The following CSMD1 variants were observed in gnomAD, a reference collection of about 807,000 sequenced individuals.
The protein encoded by CSMD1 is CUB and sushi domain-containing protein 1.
In CSMD1, 213 loss-of-function variants were observed where a neutral mutation model predicts 417.5. That is an observed-to-expected ratio of 0.51 (90% CI 0.46 to 0.57). CSMD1 has a LOEUF of 0.57. CSMD1 is among the 20% of genes least tolerant of loss of function. CSMD1 has a pLI of 0.00. For missense variants in CSMD1, 6,923 were observed against 4,529.7 expected (o/e 1.53, Z -15.17); for synonymous variants, 2,862 against 1,736.8 (o/e 1.65, Z -16.11).
chr8:4,796,847 G>A (rs532589125), intron 1 of CSMD1, among the ~76,000 whole-genome samples: 3 of 152,264 alleles, frequency 2.0e-5, no homozygotes, highest in African/African-American at 7.2e-5. Flanking sequence ...TTGGACAATT[G>A]CAAAGGTCTG....
chr8:3,487,902 T>C (rs914887737), intron 11 of CSMD1, among the ~76,000 whole-genome samples: 6 of 152,098 alleles, frequency 3.9e-5, no homozygotes, highest in Admixed American at 2.6e-4. Flanking sequence ...CATCAACATT[T>C]TGATATTAAT....
chr8:4,901,540 T>A (rs1804870333), intron 1 of CSMD1, among the ~76,000 whole-genome samples: 1 of 151,674 alleles, frequency 6.6e-6, no homozygotes, highest in African/African-American at 2.4e-5. Context: ...ATTCATATGA[T>A]CTCCCCACCA....
At chr8:4,784,191 A>G (rs2117202343) in intron 1 of CSMD1, among the ~76,000 whole-genome samples, 1 of 152,244 alleles carries the variant, frequency 6.6e-6, no homozygotes, top group African/African-American at 2.4e-5. Flanking sequence ...TTCTTACAAA[A>G]TGAATATTTT....
At chr8:4,014,936 G>C (rs1313163945) in intron 4 of CSMD1, among the ~76,000 whole-genome samples, 1 of 152,200 alleles carries the variant, frequency 6.6e-6, no homozygotes, top group South Asian at 2.1e-4. Flanking sequence ...TTACAAGATT[G>C]TATGGGATGA....
chr8:3,846,013 C>G (rs1018112731), intron 5 of CSMD1, among the ~76,000 whole-genome samples: 4 of 151,910 alleles, frequency 2.6e-5, no homozygotes, highest in African/African-American at 9.7e-5. Flanking sequence ...ACAATGCCTT[C>G]TGGACATCTT....
intron 25 of CSMD1, among the ~76,000 whole-genome samples, chr8:3,304,713 T>TA (rs1390434785): frequency 1.6e-5 from 1 of 64,456 alleles, no homozygotes; most frequent in Non-Finnish European, 3.3e-5. Flanking sequence ...TTTATTCAAA[T>TA]ATTTTTTTAT....
intron 21 of CSMD1, among the ~76,000 whole-genome samples, chr8:3,350,071 G>A (rs1029773666): frequency 2.9e-5 from 4 of 140,064 alleles, no homozygotes; most frequent in Non-Finnish European, 6.1e-5. Context: ...TTGTGTATGT[G>A]TGTGTTATAA....
At chr8:3,164,393 C>T (rs1359321496) in intron 37 of CSMD1, among the ~76,000 whole-genome samples, 1 of 152,172 alleles carries the variant, frequency 6.6e-6, no homozygotes, top group Non-Finnish European at 1.5e-5. Flanking sequence ...CACAGATTTT[C>T]AAGCCATTGG....
At chr8:4,978,972 A>C (rs1376129744) in intron 1 of CSMD1, among the ~76,000 whole-genome samples, 1 of 152,172 alleles carries the variant, frequency 6.6e-6, no homozygotes, top group African/African-American at 2.4e-5. Context: ...AGAAAAAATA[A>C]CTCTGGAGAA....
intron 2 of CSMD1, among the ~76,000 whole-genome samples, chr8:4,464,502 C>T (rs527550987): frequency 1.3e-3 from 204 of 152,254 alleles, no homozygotes; most frequent in African/African-American, 4.7e-3. Flanking sequence ...TATAATAACA[C>T]ATTGAGTATC....
chr8:3,323,994 A>C (rs1315167373), intron 23 of CSMD1, among the ~76,000 whole-genome samples: 1 of 125,168 alleles, frequency 8.0e-6, no homozygotes, highest in African/African-American at 3.1e-5. Flanking sequence ...TAAAATAGAC[A>C]CACATCTAAC....
At chr8:4,683,090 A>G (rs1195483923) in intron 1 of CSMD1, among the ~76,000 whole-genome samples, 1 of 150,840 alleles carries the variant, frequency 6.6e-6, no homozygotes, top group Non-Finnish European at 1.5e-5. Context: ...AGAAATTAAG[A>G]GAAGTTTCAA....
At chr8:4,901,600 T>C (rs1804874865) in intron 1 of CSMD1, among the ~76,000 whole-genome samples, 1 of 152,204 alleles carries the variant, frequency 6.6e-6, no homozygotes, top group South Asian at 2.1e-4. Context: ...CGGACACTTC[T>C]ATTAGCCTTT....
chr8:4,060,214 G>C (rs1798899686), intron 3 of CSMD1, among the ~76,000 whole-genome samples: 2 of 127,536 alleles, frequency 1.6e-5, no homozygotes, highest in Non-Finnish European at 3.3e-5. Flanking sequence ...TTCAATAGAT[G>C]CAGAAAAGGC....
At chr8:4,478,022 T>A (rs1033680912) in intron 2 of CSMD1, among the ~76,000 whole-genome samples, 10 of 152,202 alleles carry the variant, frequency 6.6e-5, no homozygotes, top group African/African-American at 2.4e-4. Context: ...TGAATTCTAC[T>A]ACCATTCACT....
chr8:4,149,667 T>C (rs1796463357), intron 3 of CSMD1, among the ~76,000 whole-genome samples: 1 of 152,182 alleles, frequency 6.6e-6, no homozygotes, highest in Non-Finnish European at 1.5e-5. Flanking sequence ...GGATGCTAAG[T>C]GCTACACTGA....
In CSMD1 at chr8:4,168,146, T is replaced by G. The variant is rs907062116; in HGVS notation, c.416-136047A>C. On this transcript the variant is annotated intron_variant, in intron 3 of 69. Transcript: ENST00000635120. ...TCTGTCTCAAAAATAAAAAAAAATA[T>G]ACACACACACACACACACACACACA... Among the ~76,000 whole-genome samples, 9 of 149,388 alleles carry G rather than the reference T, an allele frequency of 6.0e-5. 1 individual carries two copies. The highest frequency in any genetic ancestry group is 2.2e-4 in the African/African-American group (9 of 40,318).
chr8:4,518,608 G>A (rs1274476369), intron 2 of CSMD1, among the ~76,000 whole-genome samples: 1 of 133,342 alleles, frequency 7.5e-6, no homozygotes, highest in Non-Finnish European at 1.6e-5. Context: ...ACACACCGGG[G>A]ACTGCTGTGG....
At chr8:4,988,094 T>C (rs1315309027) in intron 1 of CSMD1, among the ~76,000 whole-genome samples, 3 of 152,196 alleles carry the variant, frequency 2.0e-5, no homozygotes, top group African/African-American at 7.2e-5. Context: ...GAATCCTGAC[T>C]AATACAGTGA....
Sources: allele counts gnomAD v4.1 joint callset (sites outside exome capture counted in the v4.1 genomes callset), GRCh38; gene constraint gnomAD v4.1.1; transcripts MANE v1.5; gene names NCBI Gene and HGNC (gene_info 2026-07-23, HGNC 2026-07-21).